Variants in UNC13C observed in about 807,000 individuals in gnomAD.
The protein encoded by UNC13C is protein unc-13 homolog C.
Under a neutral mutation model 245.4 loss-of-function variants are expected in UNC13C, and 174 were observed. That is an observed-to-expected ratio of 0.71 (90% CI 0.63 to 0.80). UNC13C has a LOEUF of 0.80. Ranked by LOEUF, UNC13C falls within the 30% of genes least tolerant of loss-of-function variation. UNC13C has a pLI of 0.00. For synonymous variants in UNC13C, 992 were observed against 895.1 expected (o/e 1.11, Z -1.93); for missense variants, 2,829 against 2,602.9 (o/e 1.09, Z -1.89).
chr15:54,369,917 G>A (rs1000915714), intron 17 of UNC13C, among the ~76,000 whole-genome samples: 1 of 152,050 alleles, frequency 6.6e-6, no homozygotes, highest in South Asian at 2.1e-4. Context: ...TCTCTGGTTA[G>A]TTAGGGATCC....
At chr15:54,325,164 A>G (rs1465444126) in intron 14 of UNC13C, among the ~76,000 whole-genome samples, 1 of 152,046 alleles carries the variant, frequency 6.6e-6, no homozygotes, top group Non-Finnish European at 1.5e-5. Flanking sequence ...TTTATGGAAG[A>G]GGTTCAATAA....
intron 19 of UNC13C, among the ~76,000 whole-genome samples, chr15:54,457,754 ATCT>A (rs1891609410): frequency 6.6e-6 from 1 of 151,162 alleles, no homozygotes; most frequent in Non-Finnish European, 1.5e-5. Context: ...GCTTATTTGG[ATCT>A]TCTCTCTTCT....
chr15:53,928,734 T>G, the UNC13C span, among the ~76,000 whole-genome samples: 6 of 152,206 alleles, frequency 3.9e-5, no homozygotes, highest in Admixed American at 6.5e-5. Context: ...GCTTTCTAAG[T>G]GCATTTCTGG....
chr15:53,923,956 C>T, the UNC13C span, among the ~76,000 whole-genome samples: 8 of 152,320 alleles, frequency 5.3e-5, no homozygotes, highest in African/African-American at 1.9e-4. Context: ...CCTGTAATCC[C>T]AGCACTTTGG....
At position 54,474,108 on chromosome 15, in the gene UNC13C, G is replaced by A. The variant is rs377102724; in HGVS notation, c.4934-20500G>A. 4.6e-5 allele frequency among the ~76,000 whole-genome samples: 7 copies of A among 152,066 alleles called. 1 individual carries two copies. The highest frequency in any genetic ancestry group is 1.9e-4 in the East Asian group (1 of 5,180). On this transcript the variant is annotated intron_variant, in intron 19 of 32. Coordinates refer to ENST00000260323, the MANE Select transcript of UNC13C (RefSeq NM_001080534.3). ...ACTTATCTTGGCTATTGTTATTAGT[G>A]CTACAATAAACACGGGGGTGCAGGT...
intron 24 of UNC13C, among the ~76,000 whole-genome samples, chr15:54,513,606 A>G (rs1278692875): frequency 2.0e-5 from 3 of 152,202 alleles, no homozygotes; most frequent in East Asian, 3.8e-4. Flanking sequence ...TGACTAAACC[A>G]TAGAACTCCT....
intron 19 of UNC13C, among the ~76,000 whole-genome samples, chr15:54,464,865 G>T (rs573371770): frequency 6.6e-6 from 1 of 151,526 alleles, no homozygotes; most frequent in African/African-American, 2.4e-5. Context: ...GTATTCAAAG[G>T]TATTCATGGA....
intron 4 of UNC13C, among the ~76,000 whole-genome samples, chr15:54,152,010 G>T (rs528836315): frequency 6.6e-6 from 1 of 152,204 alleles, no homozygotes; most frequent in South Asian, 2.1e-4. Context: ...CCCAAATCAC[G>T]CACTTCCAAA....
chr15:54,231,662 C>CA (rs975254631), intron 4 of UNC13C, among the ~76,000 whole-genome samples: 3 of 151,522 alleles, frequency 2.0e-5, no homozygotes, highest in South Asian at 2.1e-4. Context: ...TAATAAGCAC[C>CA]AAAAAAAATT....
At position 54,414,286 on chromosome 15, in the gene UNC13C, A is replaced by AT. The variant is rs1390467073; in HGVS notation, c.4848-690dup. On this transcript the variant is annotated intron_variant, in intron 18 of 32. Transcript: ENST00000260323. The stretch of plus-strand genomic sequence containing the variant: ...GGCTGAGGGACATATATGAGGTGTG[A>AT]TTTTTTAGTGTCATATGGTGTTTGC... Among the ~76,000 whole-genome samples the AT allele has an allele frequency of 2.6e-5, 4 of 152,288 alleles. No homozygotes were observed. In the East Asian group the frequency reaches 5.8e-4, roughly 22 times the overall value.
At chr15:53,857,103 G>A in the UNC13C span, among the ~76,000 whole-genome samples, 6 of 151,924 alleles carry the variant, frequency 3.9e-5, no homozygotes, top group African/African-American at 1.5e-4. Context: ...GCCCCAATCT[G>A]GCTATTTCTG....
intron 31 of UNC13C, 69 bp downstream of exon 31, chr15:54,622,488 G>T: frequency 1.7e-6 from 2 of 1,195,292 alleles, no homozygotes; most frequent in Non-Finnish European, 2.4e-6. Context: ...TATCAGCAAT[G>T]TAACTTTTCT....
chr15:54,232,453 A>C (rs1278109877), intron 4 of UNC13C, among the ~76,000 whole-genome samples: 2 of 152,156 alleles, frequency 1.3e-5, no homozygotes, highest in Non-Finnish European at 2.9e-5. Flanking sequence ...AATAATGCAC[A>C]TGCTTATAAC....
intron 2 of UNC13C, among the ~76,000 whole-genome samples, chr15:54,106,183 T>G (rs1183690613): frequency 6.6e-6 from 1 of 152,172 alleles, no homozygotes. Flanking sequence ...TACCTTTATT[T>G]GAAATAAAGA....
At chr15:54,121,533 T>C (rs2030667870) in intron 2 of UNC13C, among the ~76,000 whole-genome samples, 1 of 152,080 alleles carries the variant, frequency 6.6e-6, no homozygotes, top group African/African-American at 2.4e-5. Flanking sequence ...TTTGTTGCAA[T>C]AATTATTTTT....
chr15:54,300,291 GT>G lies in UNC13C; in HGVS notation c.4190del (p.Phe1397SerfsTer9). 1 of 1,592,828 alleles carries G rather than the reference GT, an allele frequency of 6.3e-7. No homozygotes were observed. Among genetic ancestry groups the G allele is most frequent in the Non-Finnish European group, 8.6e-7 (1 of 1,168,564 alleles). On this transcript the variant is annotated frameshift_variant, in exon 13 of 33. Transcript: ENST00000260323. LOFTEE classifies it high-confidence loss of function. ...AGTCAAAGGGGATGAAGCCTGGAAG[GT>G]TTTCTTTGATGATGCTTCCCAAGAA... The part of the protein sequence containing the change: ...PEVKGDEAWK[V>X]FFDDASQEIV...
At position 54,080,380 on chromosome 15, in the gene UNC13C, A is replaced by T. The variant is rs79573181; in HGVS notation, c.2984-62638A>T. Among the ~76,000 whole-genome samples, 19 of 152,020 alleles carry T rather than the reference A, an allele frequency of 1.2e-4. No homozygotes were observed. The East Asian group carries it at 3.5e-3, about 28-fold the overall frequency. Reference sequence around the variant, plus strand: ...CTCTCTTTCTCAGTTTTTTGGAAACATTTCCGAAAGATTGGTATCAGCTCT... The same window carrying T: ...CTCTCTTTCTCAGTTTTTTGGAAACTTTTCCGAAAGATTGGTATCAGCTCT... On this transcript the variant is annotated intron_variant, in intron 2 of 32. Coordinates refer to ENST00000260323, the MANE Select transcript of UNC13C (RefSeq NM_001080534.3).
intron 4 of UNC13C, among the ~76,000 whole-genome samples, chr15:54,174,993 C>G (rs1242100780): frequency 6.6e-6 from 1 of 152,164 alleles, no homozygotes; most frequent in Non-Finnish European, 1.5e-5. Context: ...ATTGACCCCA[C>G]ATGTTTCTCC....
chr15:54,308,902 A>T (rs1211453111), intron 13 of UNC13C, among the ~76,000 whole-genome samples: 4 of 151,820 alleles, frequency 2.6e-5, no homozygotes, highest in African/African-American at 9.7e-5. Flanking sequence ...TTATCCATTT[A>T]TCTGTCAATG....
Sources: gnomAD v4.1 joint callset for allele counts (sites outside exome capture counted in the v4.1 genomes callset) on GRCh38, gnomAD v4.1.1 for gene constraint, MANE v1.5 for transcripts, NCBI Gene and HGNC (gene_info 2026-07-23, HGNC 2026-07-21) for gene names.